The following ST3GAL3 variants were observed in gnomAD, a reference collection of about 807,000 sequenced individuals.
The protein encoded by ST3GAL3 is CMP-N-acetylneuraminate-beta-1,4-galactoside alpha-2,3-sialyltransferase.
Under a neutral mutation model 50.1 loss-of-function variants are expected in ST3GAL3, and 21 were observed. That is an observed-to-expected ratio of 0.42 (90% CI 0.30 to 0.60). The LOEUF (loss-of-function observed/expected upper bound fraction) is 0.60. Among genes scored for constraint, ST3GAL3 ranks in the 20% least tolerant of loss-of-function variants. The pLI is 0.19. For synonymous variants in ST3GAL3, 183 were observed against 190.0 expected, an observed-to-expected ratio of 0.96 and a Z score of 0.30; for missense variants, 353 against 489.4, an observed-to-expected ratio of 0.72 and a Z score of 2.63.
intron 1 of ST3GAL3, among the ~76,000 whole-genome samples, chr1:43,730,657 A>G (rs1315691137): frequency 1.3e-5 from 2 of 150,542 alleles, no homozygotes; most frequent in Non-Finnish European, 3.0e-5. Context: ...TGTAACCTCA[A>G]ACTTATGGGC....
chr1:43,753,995 G>C (rs1687134819), intron 2 of ST3GAL3, among the ~76,000 whole-genome samples: 1 of 152,122 alleles, frequency 6.6e-6, no homozygotes, highest in African/African-American at 2.4e-5. Context: ...CAGTTCATTA[G>C]AGAAATCTGT....
intron 2 of ST3GAL3, among the ~76,000 whole-genome samples, chr1:43,752,241 A>G (rs985380638): frequency 1.3e-5 from 2 of 152,190 alleles, no homozygotes; most frequent in Non-Finnish European, 2.9e-5. Context: ...AGGTAAGGCT[A>G]ATGAGGCTCA....
At chr1:43,851,751 G>T in intron 5 of ST3GAL3, 1 of 912,628 alleles carries the variant, frequency 1.1e-6, no homozygotes, top group Non-Finnish European at 1.8e-6. Context: ...GTCCGAAGCT[G>T]CCGGAACACA....
chr1:43,736,173 G>A, intron 1 of ST3GAL3, 60 bp from the exon 2 acceptor site: 1 of 1,459,482 alleles, frequency 6.9e-7, no homozygotes, highest in South Asian at 1.1e-5. Flanking sequence ...TACTTTAAGA[G>A]AGAATATATC....
chr1:43,769,482 G>A lies in ST3GAL3; in HGVS notation c.119-22620G>A, dbSNP rs148124189. On this transcript the variant is annotated intron_variant, in intron 2 of 11. Coordinates refer to ENST00000347631, the MANE Select transcript of ST3GAL3 (RefSeq NM_006279.5). ...TGGGGAGGGGAGGGCATGGGCTTGG[G>A]AGACATTTGGGAAGAAGCCTTGTCA... Among the ~76,000 whole-genome samples, 376 of 152,246 alleles carry A rather than the reference G, an allele frequency of 2.5e-3. 2 individuals carry two copies. The highest frequency in any genetic ancestry group is 8.5e-3 in the African/African-American group (355 of 41,536).
At chr1:43,858,001 C>G in intron 5 of ST3GAL3, 1 of 471,104 alleles carries the variant, frequency 2.1e-6, no homozygotes, top group Non-Finnish European at 3.4e-6. Context: ...AAAGCAAAAC[C>G]AACCGATCCC....
chr1:43,818,131 G>A (rs1052050722), intron 4 of ST3GAL3, among the ~76,000 whole-genome samples: 2 of 151,840 alleles, frequency 1.3e-5, no homozygotes, highest in Non-Finnish European at 2.9e-5. Context: ...CTCTCTCTAC[G>A]CCTCTTCTGA....
At chr1:43,803,192 G>A (rs1170933345) in intron 3 of ST3GAL3, among the ~76,000 whole-genome samples, 7 of 152,214 alleles carry the variant, frequency 4.6e-5, no homozygotes, top group Non-Finnish European at 8.8e-5. Flanking sequence ...CCAAAATGCT[G>A]GAATTACAGG....
chr1:43,865,097 A>T (rs1441241133), intron 5 of ST3GAL3, among the ~76,000 whole-genome samples: 1 of 151,656 alleles, frequency 6.6e-6, no homozygotes, highest in African/African-American at 2.4e-5. Context: ...GCTCACTGCA[A>T]GCTCCGCCTC....
chr1:43,928,871 T>C lies in ST3GAL3; in HGVS notation c.1039-1261T>C, dbSNP rs541401034. 3.9e-5 allele frequency among the ~76,000 whole-genome samples: 6 copies of C among 152,286 alleles called. No individual in the cohort carries two copies. The South Asian group carries it at 1.2e-3, about 32-fold the overall frequency. ...TTGCAGTGAGCTGAGATCACACCAC[T>C]GCACACCAGCCTGGGCAACAAGAGC... On this transcript the variant is annotated intron_variant, in intron 11 of 11. Coordinates refer to ENST00000347631, the MANE Select transcript of ST3GAL3 (RefSeq NM_006279.5).
chr1:43,740,824 A>AAG (rs1350576248), intron 2 of ST3GAL3, among the ~76,000 whole-genome samples: 1 of 148,816 alleles, frequency 6.7e-6, no homozygotes, highest in African/African-American at 2.5e-5. Flanking sequence ...TTAAGAAAGA[A>AAG]AGAGAGAGAG....
chr1:43,749,836 G>C (rs1047291038), intron 2 of ST3GAL3, among the ~76,000 whole-genome samples: 1 of 152,138 alleles, frequency 6.6e-6, no homozygotes, highest in Non-Finnish European at 1.5e-5. Context: ...GACAGAGAGA[G>C]TTTGGTCCCT....
At chr1:43,905,471 C>T (rs1448323467) in intron 9 of ST3GAL3, among the ~76,000 whole-genome samples, 6 of 138,514 alleles carry the variant, frequency 4.3e-5, no homozygotes, top group African/African-American at 1.1e-4. Context: ...CCTCCCCCTC[C>T]TCCTGTTCCC....
chr1:43,752,736 C>T (rs1448512222), intron 2 of ST3GAL3, among the ~76,000 whole-genome samples: 1 of 152,160 alleles, frequency 6.6e-6, no homozygotes, highest in African/African-American at 2.4e-5. Flanking sequence ...CTCCTGGGCT[C>T]AAGCGATCCT....
chr1:43,751,186 ACGTAATTGTTATTT>A (rs1442587551), intron 2 of ST3GAL3, among the ~76,000 whole-genome samples: 1 of 152,204 alleles, frequency 6.6e-6, no homozygotes, highest in African/African-American at 2.4e-5. Flanking sequence ...GAATGATGGT[ACGTAATTGTTATTT>A]TATTTTTCCA....
chr1:43,734,472 CTT>C (rs1283507269), intron 1 of ST3GAL3, among the ~76,000 whole-genome samples: 6 of 151,696 alleles, frequency 4.0e-5, no homozygotes, highest in Non-Finnish European at 8.8e-5. Context: ...GCCTGGCTAA[CTT>C]TTTAATTTTT....
At chr1:43,894,513 T>TC (rs1468592216) in intron 6 of ST3GAL3, 36 bp downstream of exon 6, 1 of 1,574,646 alleles carries the variant, frequency 6.4e-7, no homozygotes, top group Non-Finnish European at 8.7e-7. Context: ...TAACATCTCA[T>TC]CCCCCCGACT....
At chr1:43,738,306 A>G (rs1423615329) in intron 2 of ST3GAL3, 2 of 152,156 alleles carry the variant, frequency 1.3e-5, no homozygotes, top group Non-Finnish European at 2.9e-5. Context: ...CTTTCCATTA[A>G]TTGTTAGCTG....
At chr1:43,821,370 C>A (rs763172832) in intron 4 of ST3GAL3, among the ~76,000 whole-genome samples, 7 of 152,076 alleles carry the variant, frequency 4.6e-5, no homozygotes, top group Non-Finnish European at 8.8e-5. Context: ...GAGCAGCCTC[C>A]TTTGCAGAGG....
Sources: allele counts gnomAD v4.1 joint callset (sites outside exome capture counted in the v4.1 genomes callset), GRCh38; gene constraint gnomAD v4.1.1; transcripts MANE v1.5; gene names NCBI Gene and HGNC (gene_info 2026-07-23, HGNC 2026-07-21).